The following EZR variants were observed in gnomAD, a reference collection of about 807,000 sequenced individuals.
EZR encodes the protein cytovillin 2.
In EZR, 40 loss-of-function variants were observed where a neutral mutation model predicts 74.8. That is an observed-to-expected ratio of 0.53 (90% confidence interval 0.42 to 0.70). EZR has a LOEUF of 0.70. EZR is among the 30% of genes least tolerant of loss of function. EZR has a pLI of 0.00. For synonymous variants in EZR, 341 were observed against 283.3 expected (o/e 1.20, Z -2.05); for missense variants, 678 against 755.8 (o/e 0.90, Z 1.21).
At position 158,766,167 on chromosome 6, in the gene EZR, C is replaced by A. The variant is rs1375321835; in HGVS notation, c.*747G>T. The A allele has an allele frequency of 6.6e-6, 1 of 152,372 alleles. No homozygotes were observed. The highest frequency in any genetic ancestry group is 1.5e-5 in the Non-Finnish European group (1 of 67,972). The allele number at this position is 152,372 out of a possible 1,614,324, so 9.4% of individuals were successfully genotyped here. On this transcript the variant is annotated 3_prime_UTR_variant, in exon 14 of 14. Transcript: ENST00000367075. ...AATTCTTTTATTCTGTAAAAGGTAA[C>A]AAAATATACAGAACAAAACTTTCCC...
rs531654899 is a variant in EZR, at chr6:158,772,433, C to A, written c.796-1026G>T. Among the ~76,000 whole-genome samples, 8 of 152,324 alleles carry A rather than the reference C, an allele frequency of 5.3e-5. 1 individual carries two copies. In the South Asian group the frequency reaches 1.7e-3, roughly 32 times the overall value. ...TCCCAGCAGTCCCATTAGATGCTGG[C>A]GTCCCCGCCTTATCGGTGACGTTCA... On this transcript the variant is annotated intron_variant, in intron 8 of 13. Coordinates refer to ENST00000367075, the MANE Select transcript of EZR (RefSeq NM_001111077.2).
intron 2 of EZR, among the ~76,000 whole-genome samples, chr6:158,807,025 A>G (rs764642485): frequency 2.6e-5 from 4 of 152,190 alleles, no homozygotes; most frequent in East Asian, 1.9e-4. Context: ...CTTTAAAAAC[A>G]TAACAGGCCA....
intron 2 of EZR, among the ~76,000 whole-genome samples, chr6:158,801,507 G>A (rs924722561): frequency 6.6e-6 from 1 of 152,174 alleles, no homozygotes; most frequent in Non-Finnish European, 1.5e-5. Context: ...AACAAAAATT[G>A]TCACATAATT....
intron 7 of EZR, among the ~76,000 whole-genome samples, chr6:158,778,879 A>G (rs934624620): frequency 1.9e-4 from 29 of 152,252 alleles, no homozygotes; most frequent in African/African-American, 6.5e-4. Flanking sequence ...GAATAAATGG[A>G]GAACAGAAAT....
At chr6:158,791,875 A>AT (rs1230651442) in intron 2 of EZR, among the ~76,000 whole-genome samples, 2 of 151,336 alleles carry the variant, frequency 1.3e-5, no homozygotes, top group Non-Finnish European at 2.9e-5. Context: ...CACCCAGCTA[A>AT]TTTTTTGTAT....
intron 6 of EZR, 60 bp downstream of exon 6, chr6:158,784,584 A>G (rs201151679): frequency 1.4e-6 from 2 of 1,459,120 alleles, no homozygotes; most frequent in East Asian, 2.3e-5. Flanking sequence ...GAGTCACAGG[A>G]AAAGACATGC....
chr6:158,816,741 G>A (rs1285881083), intron 2 of EZR, among the ~76,000 whole-genome samples: 1 of 152,100 alleles, frequency 6.6e-6, no homozygotes, highest in African/African-American at 2.4e-5. Context: ...TATCCTAACA[G>A]CAAAATTAAT....
chr6:158,807,172 G>A (rs747226132), intron 2 of EZR, among the ~76,000 whole-genome samples: 6 of 152,002 alleles, frequency 3.9e-5, no homozygotes, highest in African/African-American at 7.2e-5. Flanking sequence ...AAAATTAGCC[G>A]AGTGTGATGG....
chr6:158,811,910 A>C (rs1777458216), intron 2 of EZR, among the ~76,000 whole-genome samples: 1 of 135,192 alleles, frequency 7.4e-6, no homozygotes, highest in Non-Finnish European at 1.7e-5. Context: ...CATTAACAAA[A>C]GAGGCCAGTG....
intron 7 of EZR, among the ~76,000 whole-genome samples, chr6:158,777,829 G>A (rs1791322984): frequency 6.6e-6 from 1 of 152,104 alleles, no homozygotes; most frequent in Non-Finnish European, 1.5e-5. Context: ...GCAGGACACT[G>A]GCCAGACCAT....
intron 2 of EZR, among the ~76,000 whole-genome samples, chr6:158,817,161 G>A (rs753144856): frequency 6.6e-6 from 1 of 152,126 alleles, no homozygotes; most frequent in Admixed American, 6.6e-5. Context: ...AATTCCAGAT[G>A]TATCTGTAAT....
intron 2 of EZR, among the ~76,000 whole-genome samples, chr6:158,806,552 G>C (rs1258373835): frequency 2.2e-5 from 3 of 135,470 alleles, no homozygotes; most frequent in East Asian, 4.3e-4. Context: ...TCAGTATATT[G>C]CTCTAAAGCA....
intron 2 of EZR, among the ~76,000 whole-genome samples, chr6:158,807,475 G>A (rs556629534): frequency 5.3e-5 from 8 of 152,276 alleles, no homozygotes; most frequent in South Asian, 2.1e-4. Context: ...GAGTAAGTGG[G>A]TTTGGAAATG....
chr6:158,768,408 T>C (rs1028489683), intron 12 of EZR, among the ~76,000 whole-genome samples: 1 of 151,978 alleles, frequency 6.6e-6, no homozygotes, highest in African/African-American at 2.4e-5. Flanking sequence ...AACAGCCTAA[T>C]ACAGATCGGC....
chr6:158,787,277 C>T, intron 3 of EZR, 74 bp from the exon 4 acceptor site: 1 of 1,254,246 alleles, frequency 8.0e-7, no homozygotes, highest in Non-Finnish European at 1.2e-6. Flanking sequence ...GGCTGTCGTT[C>T]ATCACATGGT....
intron 2 of EZR, among the ~76,000 whole-genome samples, chr6:158,800,522 T>C (rs1369746567): frequency 2.0e-5 from 3 of 152,180 alleles, no homozygotes; most frequent in Non-Finnish European, 4.4e-5. Flanking sequence ...GACGCTAGGC[T>C]GGGCACGGTG....
intron 11 of EZR, 38 bp from the exon 12 acceptor site, chr6:158,769,456 T>G (rs1170764043): frequency 6.3e-7 from 1 of 1,585,656 alleles, no homozygotes; most frequent in South Asian, 1.1e-5. Flanking sequence ...AGTTCTGATA[T>G]CCTTTCAACG....
At chr6:158,771,995 G>A (rs1225488442) in intron 8 of EZR, among the ~76,000 whole-genome samples, 1 of 152,154 alleles carries the variant, frequency 6.6e-6, no homozygotes, top group Non-Finnish European at 1.5e-5. Flanking sequence ...GGGAGCTCCA[G>A]GATGAGCTCC....
chr6:158,772,552 G>A (rs1791146152), intron 8 of EZR, among the ~76,000 whole-genome samples: 2 of 152,190 alleles, frequency 1.3e-5, no homozygotes, highest in African/African-American at 2.4e-5. Flanking sequence ...GAGCCTCCTG[G>A]AAAACAAGGC....
Sources: gnomAD v4.1 joint callset for allele counts (sites outside exome capture counted in the v4.1 genomes callset) on GRCh38, gnomAD v4.1.1 for gene constraint, MANE v1.5 for transcripts, NCBI Gene and HGNC (gene_info 2026-07-23, HGNC 2026-07-21) for gene names.